The following ITGA11 variants were observed in gnomAD, a reference collection of about 807,000 sequenced individuals.
ITGA11 encodes integrin subunit alpha 11, also known as integrin alpha-11.
ITGA11 carries 97 observed loss-of-function variants against 141.9 expected under a neutral mutation model. The ratio of observed to expected loss-of-function variants is 0.68; its 90% CI spans 0.58 to 0.81. The LOEUF is 0.81. ITGA11 is among the 30% of genes least tolerant of loss of function. The probability of loss-of-function intolerance (pLI) is 0.00; values close to 1 mark genes in which losing one functional copy is unlikely to be tolerated. For missense variants in ITGA11, 1,387 were observed against 1,559.2 expected, an observed-to-expected ratio of 0.89 and a Z score of 1.86; for synonymous variants, 658 against 624.6, an observed-to-expected ratio of 1.05 and a Z score of -0.80.
intron 24 of ITGA11, among the ~76,000 whole-genome samples, chr15:68,311,981 C>T (rs999707817): frequency 5.9e-5 from 9 of 152,166 alleles, no homozygotes; most frequent in African/African-American, 2.2e-4. Flanking sequence ...GCTTACTAGG[C>T]CTCTCTTGAA....
chr15:68,371,731 A>C (rs2140364049), intron 2 of ITGA11, among the ~76,000 whole-genome samples: 1 of 151,800 alleles, frequency 6.6e-6, no homozygotes, highest in South Asian at 2.1e-4. Context: ...GAAAAGAAAA[A>C]GAAAGAAAGG....
intron 2 of ITGA11, among the ~76,000 whole-genome samples, chr15:68,372,550 C>T (rs749920323): frequency 5.3e-5 from 8 of 152,188 alleles, no homozygotes; most frequent in Non-Finnish European, 7.4e-5. Context: ...AGCAGGGCTT[C>T]GGTGGATGGG....
Position 68,302,984 on chromosome 15 carries a change from G to A in ITGA11, c.*75C>T, listed in dbSNP as rs1364296994. On this transcript the variant is annotated 3_prime_UTR_variant, in exon 30 of 30. Coordinates refer to ENST00000315757, the MANE Select transcript of ITGA11 (RefSeq NM_001004439.2). The stretch of plus-strand genomic sequence containing the variant: ...CTTCCTCTCCGCTCCAGCTCGGTGG[G>A]GCCACAGGCCTGGGTCTCAACACTA... 2.4e-6 allele frequency: 3 copies of A among 1,246,952 alleles called. No individual in the cohort carries two copies. The highest frequency in any genetic ancestry group is 3.4e-6 in the Non-Finnish European group (3 of 893,358). The allele number at this position is 1,246,952 out of a possible 1,614,324, so 77.2% of individuals were successfully genotyped here.
chr15:68,361,021 C>T (rs1384811240), intron 5 of ITGA11, among the ~76,000 whole-genome samples: 4 of 152,078 alleles, frequency 2.6e-5, no homozygotes, highest in African/African-American at 9.7e-5. Flanking sequence ...GAGGCAGGGT[C>T]TGAGCAGTAA....
rs547168494 is a variant in ITGA11, at chr15:68,353,684, A to G, written c.750-2282T>C. On this transcript the variant is annotated intron_variant, in intron 7 of 29. Transcript: ENST00000315757. The stretch of plus-strand genomic sequence containing the variant: ...GATTTGTTCCTTTGTAAATTAGATT[A>G]TACATTCCTTGAGAGCAGCAAGAGC... Among the ~76,000 whole-genome samples, 23 of 152,262 alleles carry G rather than the reference A, an allele frequency of 1.5e-4. No homozygotes were observed. In the South Asian group the frequency reaches 1.7e-3, roughly 11 times the overall value.
rs189651440 is a variant in ITGA11, at chr15:68,339,748, G to A, written c.1132-104C>T. On this transcript the variant is annotated intron_variant, in intron 10 of 29. Coordinates refer to ENST00000315757, the MANE Select transcript of ITGA11 (RefSeq NM_001004439.2). The stretch of plus-strand genomic sequence containing the variant: ...AGTGACGCCTCCACCAGCCACCTCG[G>A]GCACCTTCTCCTGGGTGCATTATTT... 3.9e-4 allele frequency: 529 copies of A among 1,352,406 alleles called. 4 individuals are homozygous for A. Among genetic ancestry groups the A allele is most frequent in the South Asian group, 2.7e-3 (214 of 77,982 alleles). The allele number at this position is 1,352,406 out of a possible 1,614,324, so 83.8% of individuals were successfully genotyped here. A position where few individuals can be genotyped will look rare whatever the true frequency, so the allele number is the denominator to read the frequency against.
chr15:68,315,808 T>C, intron 21 of ITGA11, 81 bp from the exon 22 acceptor site: 1 of 1,198,794 alleles, frequency 8.3e-7, no homozygotes, highest in South Asian at 1.5e-5. Flanking sequence ...CACAGCCCCC[T>C]GCTGGCTTGG....
At chr15:68,317,400 G>A (rs1220671672) in intron 20 of ITGA11, 37 bp from the exon 21 acceptor site, 1 of 1,433,418 alleles carries the variant, frequency 7.0e-7, no homozygotes, top group Admixed American at 1.7e-5. Context: ...CAGCAGTTAG[G>A]TGGGGCCTGG....
rs1051082097 is a variant in ITGA11, at chr15:68,307,409, G to A, written c.3320C>T (p.Ala1107Val). 6 of 1,558,868 alleles carry A rather than the reference G, an allele frequency of 3.8e-6. No individual in the cohort carries two copies. The South Asian group carries it at 7.1e-5, about 18-fold the overall frequency. ...KYKSMKIMVN[A>V]ALQRQFHSPF... ...GCTGTGGAACTGCCTCTGCAAGGCTGCGTTGACCATGATTTTCATGGATTT... is the reference window on the plus strand; with the variant it reads ...GCTGTGGAACTGCCTCTGCAAGGCTACGTTGACCATGATTTTCATGGATTT... The change falls in exon 28 of 30, where the codon GCA becomes GTA. Residue 1107 changes from alanine (A) to valine (V), a missense_variant. Transcript: ENST00000315757. This position sits in a 1 kb window ranked among gnomAD's most constrained non-coding sequence, Gnocchi z 6.1.
Position 68,331,915 on chromosome 15 carries a change from C to A in ITGA11, c.1714G>T (p.Gly572Ter). 6.2e-7 allele frequency: 1 copy of A among 1,613,454 alleles called. No individual in the cohort carries two copies. The highest frequency in any genetic ancestry group is 8.5e-7 in the Non-Finnish European group (1 of 1,179,768). ...AAGCCGTGGAAGATGTAGATGGCTC[C>A]TGCGTGGTTGTCCTCCAGGGGGGCT... The part of the protein sequence containing the change: ...VGAPLEDNHA[G>*]AIYIFHGFRG... The change falls in exon 14 of 30, where the codon GGA becomes TGA. Residue 572 changes from glycine to a stop codon, truncating the protein, a stop_gained. Coordinates refer to ENST00000315757, the MANE Select transcript of ITGA11 (RefSeq NM_001004439.2). LOFTEE classifies it high-confidence loss of function.
rs774256988 is a variant in ITGA11 at position 68,322,469 on chromosome 15, A to G, written c.2323-966T>C. Among the ~76,000 whole-genome samples, 3 of 152,122 alleles carry G rather than the reference A, an allele frequency of 2.0e-5. No homozygotes were observed. The highest frequency in any genetic ancestry group is 2.9e-5 in the Non-Finnish European group (2 of 68,008). Reference sequence around the variant, plus strand: ...GTTAGTGACCCCAGAGGCGGGATCAATAGGAACCTGGAGGTTGTCGGGGCT... The same window carrying G: ...GTTAGTGACCCCAGAGGCGGGATCAGTAGGAACCTGGAGGTTGTCGGGGCT... On this transcript the variant is annotated intron_variant, in intron 18 of 29. Transcript: ENST00000315757. This position sits in a 1 kb window ranked among gnomAD's most constrained non-coding sequence, Gnocchi z 5.6.
intron 1 of ITGA11, among the ~76,000 whole-genome samples, chr15:68,414,684 G>A (rs535266948): frequency 7.9e-5 from 12 of 152,270 alleles, no homozygotes; most frequent in Admixed American, 3.3e-4. Flanking sequence ...GACTGGCACC[G>A]GGGGCACTCC....
chr15:68,381,539 G>A (rs1330464346), intron 2 of ITGA11, among the ~76,000 whole-genome samples: 2 of 147,582 alleles, frequency 1.4e-5, no homozygotes, highest in Non-Finnish European at 3.0e-5. Context: ...TCTCAATCCT[G>A]AGGCAGAGAC....
At chr15:68,313,713 C>A (rs182003271) in intron 23 of ITGA11, 66 bp downstream of exon 23, 30 of 1,274,162 alleles carry the variant, frequency 2.4e-5, no homozygotes, top group South Asian at 8.8e-5. Context: ...GGATGCCCCC[C>A]CTTAGGCCTC....
chr15:68,361,215 G>A (rs2140347954), intron 5 of ITGA11, among the ~76,000 whole-genome samples: 1 of 152,276 alleles, frequency 6.6e-6, no homozygotes, highest in East Asian at 1.9e-4. Context: ...AACATCAGGG[G>A]GCGCCATTCA....
At chr15:68,354,875 T>C (rs1272247035) in intron 7 of ITGA11, among the ~76,000 whole-genome samples, 1 of 152,188 alleles carries the variant, frequency 6.6e-6, no homozygotes, top group African/African-American at 2.4e-5. Flanking sequence ...GGAAAAAACA[T>C]GCATTAAGAA....
chr15:68,304,652 C>A lies in ITGA11; in HGVS notation c.3382-767G>T, dbSNP rs1893131260. Among the ~76,000 whole-genome samples, 1 of 152,300 alleles carries A rather than the reference C, an allele frequency of 6.6e-6. No individual in the cohort carries two copies. Among genetic ancestry groups the A allele is most frequent in the African/African-American group, 2.4e-5 (1 of 41,564 alleles). On this transcript the variant is annotated intron_variant, in intron 28 of 29. Coordinates refer to ENST00000315757, the MANE Select transcript of ITGA11 (RefSeq NM_001004439.2). This position sits in a 1 kb window ranked among gnomAD's most constrained non-coding sequence, Gnocchi z 6.1. ...AATTCCAGGCTCACACCGACTGTCTCCTGGCCTGCCTGGCAACTGTAACAG... is the reference window on the plus strand; with the variant it reads ...AATTCCAGGCTCACACCGACTGTCTACTGGCCTGCCTGGCAACTGTAACAG...
chr15:68,347,739 T>G (rs886811519), intron 10 of ITGA11, among the ~76,000 whole-genome samples: 2 of 152,212 alleles, frequency 1.3e-5, no homozygotes, highest in Non-Finnish European at 2.9e-5. Flanking sequence ...AACCTTCTCA[T>G]GCCTTGAATT....
In ITGA11 at chr15:68,303,205, C is replaced by T; in HGVS notation, c.3496-75G>A. 2 of 1,307,014 alleles carry T rather than the reference C, an allele frequency of 1.5e-6. No homozygotes were observed. The highest frequency in any genetic ancestry group is 2.1e-6 in the Non-Finnish European group (2 of 936,836). The allele number at this position is 1,307,014 out of a possible 1,614,324, so 81.0% of individuals were successfully genotyped here. A position where few individuals can be genotyped will look rare whatever the true frequency, so the allele number is the denominator to read the frequency against. The stretch of plus-strand genomic sequence containing the variant: ...GCCTGCCCCAGCTTTCCCTCCACTA[C>T]CTTTCCTTGGGATTCCTCCCTCAGG... On this transcript the variant is annotated intron_variant, in intron 29 of 29. Transcript: ENST00000315757. This position sits in a 1 kb window ranked among gnomAD's most constrained non-coding sequence, Gnocchi z 5.3.
Sources: gnomAD v4.1 joint callset for allele counts (sites outside exome capture counted in the v4.1 genomes callset) on GRCh38, gnomAD v4.1.1 for gene constraint, Gnocchi (gnomAD v3.1) non-coding constraint, MANE v1.5 for transcripts, NCBI Gene and HGNC (gene_info 2026-07-23, HGNC 2026-07-21) for gene names.